The following WWOX variants were observed in gnomAD, a reference collection of about 807,000 sequenced individuals.
WWOX encodes the protein WW domain-containing oxidoreductase.
A neutral mutation model predicts 46.2 loss-of-function variants in WWOX; 69 were observed. That is an observed-to-expected ratio of 1.49 (90% CI 1.23 to 1.82). The LOEUF (loss-of-function observed/expected upper bound fraction) is 1.82, where lower values mean the gene tolerates loss of function less well. Ranked by LOEUF, WWOX falls within the 40% of genes most tolerant of loss-of-function variation. WWOX has a pLI of 0.00. For synonymous variants in WWOX, 359 were observed against 202.6 expected, an observed-to-expected ratio of 1.77 and a Z score of -6.56; for missense variants, 919 against 542.6, an observed-to-expected ratio of 1.69 and a Z score of -6.89.
intron 5 of WWOX, 94 bp from the exon 6 acceptor site, chr16:78,386,766 T>G: frequency 2.7e-6 from 3 of 1,119,230 alleles, no homozygotes; most frequent in Non-Finnish European, 4.0e-6. Flanking sequence ...AACAGGGGAA[T>G]TCCGACATGT....
At chr16:78,599,070 T>C (rs187154326) in intron 8 of WWOX, among the ~76,000 whole-genome samples, 24 of 152,300 alleles carry the variant, frequency 1.6e-4, no homozygotes, top group African/African-American at 5.1e-4. Flanking sequence ...GTTTGTTTCA[T>C]GTCAGGAAGG....
At chr16:79,062,222 C>G (rs1383714374) in intron 8 of WWOX, among the ~76,000 whole-genome samples, 1 of 152,180 alleles carries the variant, frequency 6.6e-6, no homozygotes, top group Non-Finnish European at 1.5e-5. Context: ...GTAAGTGTAT[C>G]TTACAGTTTA....
intron 8 of WWOX, among the ~76,000 whole-genome samples, chr16:79,063,034 G>C (rs535580484): frequency 6.6e-6 from 1 of 152,182 alleles, no homozygotes; most frequent in African/African-American, 2.4e-5. Flanking sequence ...GTTGAATGCA[G>C]CAAAGAAGAG....
At chr16:79,069,588 G>C (rs1439535802) in intron 8 of WWOX, among the ~76,000 whole-genome samples, 1 of 149,568 alleles carries the variant, frequency 6.7e-6, no homozygotes, top group African/African-American at 2.5e-5. Context: ...CTAATAAACA[G>C]TGCTAGTGGA....
intron 8 of WWOX, among the ~76,000 whole-genome samples, chr16:78,758,741 T>C (rs2049718877): frequency 5.3e-5 from 8 of 152,032 alleles, no homozygotes; most frequent in Admixed American, 5.2e-4. Flanking sequence ...GAGTTAAAAA[T>C]TTATACTCAC....
At chr16:78,631,550 T>G (rs77303021) in intron 8 of WWOX, among the ~76,000 whole-genome samples, 1 of 151,610 alleles carries the variant, frequency 6.6e-6, no homozygotes, top group East Asian at 1.9e-4. Flanking sequence ...CTTTTTTTTT[T>G]TTTTTTGAGA....
At chr16:78,510,384 T>G (rs1445154917) in intron 8 of WWOX, among the ~76,000 whole-genome samples, 1 of 152,160 alleles carries the variant, frequency 6.6e-6, no homozygotes, top group Non-Finnish European at 1.5e-5. Context: ...TTTTGTATTT[T>G]TAGTAGAGAT....
chr16:78,680,253 AC>A (rs150997407), intron 8 of WWOX, among the ~76,000 whole-genome samples: 1,717 of 152,290 alleles, frequency 0.011, 36 homozygotes, highest in African/African-American at 0.039. Context: ...TGCAGAAAAT[AC>A]AAAAATTAGC....
intron 8 of WWOX, among the ~76,000 whole-genome samples, chr16:78,969,767 A>G (rs923260777): frequency 7.2e-4 from 109 of 152,196 alleles, no homozygotes; most frequent in Non-Finnish European, 1.2e-4. Context: ...ATGTTATATG[A>G]TTTCATTTAC....
At chr16:78,791,310 T>C (rs2050593151) in intron 8 of WWOX, among the ~76,000 whole-genome samples, 1 of 152,066 alleles carries the variant, frequency 6.6e-6, no homozygotes, top group Non-Finnish European at 1.5e-5. Context: ...GTGCTGGGTG[T>C]TGTGGATCTG....
chr16:78,509,821 G>C (rs184015372), intron 8 of WWOX, among the ~76,000 whole-genome samples: 1 of 151,830 alleles, frequency 6.6e-6, no homozygotes, highest in Admixed American at 6.6e-5. Flanking sequence ...TGAGGAAGCC[G>C]TGTGGCTCAC....
chr16:79,138,195 A>C (rs1334502752), intron 8 of WWOX, among the ~76,000 whole-genome samples: 1 of 152,100 alleles, frequency 6.6e-6, no homozygotes, highest in Non-Finnish European at 1.5e-5. Context: ...CACTTTCCAA[A>C]GGCCAGAAAT....
At chr16:79,005,799 C>G (rs1417858720) in intron 8 of WWOX, among the ~76,000 whole-genome samples, 3 of 152,160 alleles carry the variant, frequency 2.0e-5, no homozygotes, top group African/African-American at 2.4e-5. Flanking sequence ...GGTGGACATG[C>G]ATTTTAGGGA....
chr16:78,358,408 G>A (rs897452577), intron 5 of WWOX, among the ~76,000 whole-genome samples: 2 of 152,078 alleles, frequency 1.3e-5, no homozygotes, highest in Middle Eastern at 3.4e-3. Flanking sequence ...CTGTAATCCC[G>A]GCACTTTGGG....
intron 8 of WWOX, among the ~76,000 whole-genome samples, chr16:78,515,125 G>C (rs1414040613): frequency 6.6e-6 from 1 of 152,196 alleles, no homozygotes; most frequent in Non-Finnish European, 1.5e-5. Flanking sequence ...TCAGGAGGCT[G>C]AGGCAGGAGA....
intron 8 of WWOX, chr16:78,525,830 A>T (rs1165089338): frequency 7.9e-6 from 1 of 125,978 alleles, no homozygotes; most frequent in Non-Finnish European, 1.7e-5. Context: ...AGTTTCAGAA[A>T]GATGCACACT....
intron 8 of WWOX, among the ~76,000 whole-genome samples, chr16:79,025,028 T>TG (rs2047609642): frequency 6.6e-6 from 1 of 152,172 alleles, no homozygotes; most frequent in Non-Finnish European, 1.5e-5. Context: ...CAGGCCCAGT[T>TG]GGGGAGGACC....
chr16:78,482,132 A>T (rs970201695), intron 8 of WWOX, among the ~76,000 whole-genome samples: 1 of 152,204 alleles, frequency 6.6e-6, no homozygotes, highest in African/African-American at 2.4e-5. Flanking sequence ...GGTGGGTCAG[A>T]TGGCTTCATG....
chr16:79,017,587 C>G (rs1009145380), intron 8 of WWOX, among the ~76,000 whole-genome samples: 15 of 151,918 alleles, frequency 9.9e-5, no homozygotes, highest in Admixed American at 7.2e-4. Context: ...TTCTGCCTTT[C>G]TACTGCAAAA....
Sources: gnomAD v4.1 joint callset for allele counts (sites outside exome capture counted in the v4.1 genomes callset) on GRCh38, gnomAD v4.1.1 for gene constraint, MANE v1.5 for transcripts, NCBI Gene and HGNC (gene_info 2026-07-23, HGNC 2026-07-21) for gene names.